BAD: variants seen among roughly 807,000 people sequenced by gnomAD.
The protein encoded by BAD is BCL2 associated agonist of cell death, also known as bcl2-associated agonist of cell death.
In BAD, 18 loss-of-function variants were observed where a neutral mutation model predicts 17.8. The ratio of observed to expected loss-of-function variants is 1.01; its 90% CI spans 0.70 to 1.50. The LOEUF (loss-of-function observed/expected upper bound fraction) is 1.50, where lower values mean the gene tolerates loss of function less well. Ranked by LOEUF, BAD falls within the 40% of genes most tolerant of loss-of-function variation. BAD has a pLI of 0.00. For missense variants in BAD, 294 were observed against 239.3 expected (o/e 1.23, Z -1.51); for synonymous variants, 112 against 91.5 (o/e 1.22, Z -1.28).
intron 2 of BAD, among the ~76,000 whole-genome samples, chr11:64,277,280 G>A (rs1292391331): frequency 6.6e-6 from 1 of 152,184 alleles, no homozygotes; most frequent in African/African-American, 2.4e-5. Context: ...CCCACCCTGG[G>A]CAGACACTCG....
At chr11:64,284,570 C>G in intron 1 of BAD, 61 bp downstream of exon 1, 8 of 1,493,584 alleles carry the variant, frequency 5.4e-6, no homozygotes, top group Non-Finnish European at 7.1e-6. Flanking sequence ...CTCAGTCTCC[C>G]CTCAGAACCC....
chr11:64,272,761 CA>C (rs1169896617), intron 2 of BAD: 3 of 152,238 alleles, frequency 2.0e-5, no homozygotes, highest in Non-Finnish European at 4.4e-5. Context: ...TGGAAGGTTC[CA>C]AAGGTTTGGT....
intron 2 of BAD, among the ~76,000 whole-genome samples, chr11:64,277,337 C>G (rs913600744): frequency 6.6e-6 from 1 of 152,228 alleles, no homozygotes; most frequent in African/African-American, 2.4e-5. Context: ...TTGACTATAG[C>G]CTTCCGGTAC....
chr11:64,270,213 T>C lies in BAD; in HGVS notation c.503A>G (p.Gln168Arg), dbSNP rs752256324. The C allele has an allele frequency of 1.9e-6, 3 of 1,613,760 alleles. 1 individual carries two copies. The highest frequency in any genetic ancestry group is 2.2e-5 in the South Asian group (2 of 91,014). Residue 168 changes from glutamine to arginine, a missense_variant, in exon 4 of 4, where the codon CAG becomes CGG. Coordinates refer to ENST00000309032, the MANE Select transcript of BAD (RefSeq NM_032989.3). ...TTTCGGGATGTGGAGCGAAGGTCAC[T>C]GGGAGGGGGCGGAGCTTCCCCTGCC... is the stretch of plus-strand genomic sequence containing the variant. ...NLGRGSSAPS[Q>R]
At position 64,283,714 on chromosome 11, in the gene BAD, G is replaced by A. The variant is rs573929448; in HGVS notation, c.187+468C>T. Reference sequence around the variant, plus strand: ...AGGAAAGAAACACCAGGAAGGTGTGGCCTTAGGCAGGCCCCTTTTCCTTTT... The same window carrying A: ...AGGAAAGAAACACCAGGAAGGTGTGACCTTAGGCAGGCCCCTTTTCCTTTT... On this transcript the variant is annotated intron_variant, in intron 2 of 3. Transcript: ENST00000309032. 2.6e-5 allele frequency among the ~76,000 whole-genome samples: 4 copies of A among 152,348 alleles called. No homozygotes were observed. The East Asian group carries it at 7.7e-4, about 29-fold the overall frequency.
Position 64,271,708 on chromosome 11 carries a change from C to A in BAD, c.283G>T (p.Gly95Cys). Residue 95 changes from glycine (G) to cysteine (C), a missense_variant, in exon 3 of 4, where the codon GGC becomes TGC. Transcript: ENST00000309032. The stretch of plus-strand genomic sequence containing the variant: ...TTGGGGGGCGCCGAGCGCGAGCGGC[C>A]CCGAAAGGGGCTGGGCTCCTCCCCC... ...GMGEEPSPFR[G>C]RSRSAPPNLW... The A allele has an allele frequency of 6.8e-7, 1 of 1,472,000 alleles. No homozygotes were observed. The highest frequency in any genetic ancestry group is 9.0e-7 in the Non-Finnish European group (1 of 1,113,310). The allele number at this position is 1,472,000 out of a possible 1,614,324, so 91.2% of individuals were successfully genotyped here.
At chr11:64,273,948 G>A (rs2032843562) in intron 2 of BAD, among the ~76,000 whole-genome samples, 1 of 151,904 alleles carries the variant, frequency 6.6e-6, no homozygotes, top group African/African-American at 2.4e-5. Flanking sequence ...GCTCTTTGGA[G>A]GAGGTAAATT....
intron 2 of BAD, among the ~76,000 whole-genome samples, chr11:64,273,912 T>C (rs542801549): frequency 1.3e-5 from 2 of 149,180 alleles, no homozygotes; most frequent in Admixed American, 6.7e-5. Flanking sequence ...GCTGGGTGTT[T>C]ATGGCAAGAT....
chr11:64,270,434 G>A, intron 3 of BAD, 97 bp from the exon 4 acceptor site: 3 of 1,442,694 alleles, frequency 2.1e-6, no homozygotes, highest in Non-Finnish European at 2.8e-6. Context: ...TGAGATCGGG[G>A]GGGAGATAAT....
At chr11:64,277,501 G>C (rs2033155173) in intron 2 of BAD, among the ~76,000 whole-genome samples, 1 of 152,146 alleles carries the variant, frequency 6.6e-6, no homozygotes, top group Non-Finnish European at 1.5e-5. Context: ...GGGGTGGCAC[G>C]ATCTCAGCTT....
intron 3 of BAD, 136 bp downstream of exon 3, chr11:64,271,477 C>T (rs1393653159): frequency 6.7e-6 from 6 of 896,750 alleles, no homozygotes; most frequent in Non-Finnish European, 1.5e-6. Context: ...TGCTCTGGAG[C>T]TAGGAAGGAA....
At chr11:64,279,796 C>T (rs571065152) in intron 2 of BAD, among the ~76,000 whole-genome samples, 1 of 150,928 alleles carries the variant, frequency 6.6e-6, no homozygotes, top group East Asian at 2.0e-4. Context: ...CCCCCTCTAT[C>T]CCACCCTCTA....
At chr11:64,271,569 G>A (rs2032611777) in intron 3 of BAD, 44 bp downstream of exon 3, 1 of 1,365,392 alleles carries the variant, frequency 7.3e-7, no homozygotes, top group Non-Finnish European at 9.5e-7. Context: ...GGCGGGGGGC[G>A]GCCTGGTACT....
At chr11:64,276,271 T>C (rs1010041022) in intron 2 of BAD, 9 of 142,350 alleles carry the variant, frequency 6.3e-5, no homozygotes, top group African/African-American at 2.4e-4. Flanking sequence ...AATATACATA[T>C]ATTTATGTGT....
chr11:64,276,314 G>GTGTGTGTGTGTATA (rs755265862), intron 2 of BAD: 23 of 148,550 alleles, frequency 1.5e-4, no homozygotes, highest in African/African-American at 5.3e-4. Context: ...GTGTGTGTGT[G>GTGTGTGTGTGTATA]TATATATATA....
In BAD at chr11:64,271,764, T is replaced by C; in HGVS notation, c.227A>G (p.Tyr76Cys). The part of the protein sequence containing the change: ...AVEIRSRHSS[Y>C]PAGTEDDEGM... ...TTCGTCGTCCTCCGTCCCCGCGGGG[T>C]AGGAGCTGTGGCGACTCCGGATCTC... The change falls in exon 3 of 4, where the codon TAC (tyrosine) becomes TGC (cysteine). Residue 76 changes from tyrosine to cysteine, a missense_variant. Transcript: ENST00000309032. The C allele has an allele frequency of 2.9e-6, 4 of 1,397,462 alleles. No homozygotes were observed. Among genetic ancestry groups the C allele is most frequent in the Non-Finnish European group, 3.7e-6 (4 of 1,073,718 alleles). The allele number at this position is 1,397,462 out of a possible 1,614,324, so 86.6% of individuals were successfully genotyped here. A position where few individuals can be genotyped will look rare whatever the true frequency, so the allele number is the denominator to read the frequency against.
intron 2 of BAD, among the ~76,000 whole-genome samples, chr11:64,281,319 C>T (rs1327301447): frequency 6.6e-6 from 1 of 152,142 alleles, no homozygotes; most frequent in Non-Finnish European, 1.5e-5. Context: ...CTTTCCCTCG[C>T]ACCCCACATC....
intron 2 of BAD, among the ~76,000 whole-genome samples, chr11:64,282,796 T>C (rs1448370993): frequency 6.6e-6 from 1 of 151,238 alleles, no homozygotes; most frequent in Non-Finnish European, 1.5e-5. Flanking sequence ...GGAGAACTGC[T>C]TGAACCCAGG....
rs1358406422 is a variant in BAD at position 64,270,498 on chromosome 11, G to A, written c.379-161C>T. 5 of 919,946 alleles carry A rather than the reference G, an allele frequency of 5.4e-6. No individual in the cohort carries two copies. The South Asian group carries it at 6.6e-5, about 12-fold the overall frequency. The allele number at this position is 919,946 out of a possible 1,614,324, so 57.0% of individuals were successfully genotyped here. ...GCCGGGCGGTCAGGGACGCTCGCGA[G>A]GACGCATGGGCCCCCAGGAATGGGA... On this transcript the variant is annotated intron_variant, in intron 3 of 3. Coordinates refer to ENST00000309032, the MANE Select transcript of BAD (RefSeq NM_032989.3).
Sources: gnomAD v4.1 joint callset for allele counts (sites outside exome capture counted in the v4.1 genomes callset) on GRCh38, gnomAD v4.1.1 for gene constraint, MANE v1.5 for transcripts, NCBI Gene and HGNC (gene_info 2026-07-23, HGNC 2026-07-21) for gene names.